CRISP2: variants seen among roughly 807,000 people sequenced by gnomAD.
CRISP2 encodes the protein cysteine rich secretory protein 2, also known as cysteine-rich secretory protein 2.
CRISP2 carries 29 observed loss-of-function variants against 31.7 expected under a neutral mutation model. The observed-to-expected ratio is 0.92, with a 90% CI of 0.68 to 1.25. The LOEUF is 1.25. Ranked by LOEUF, CRISP2 falls within the 50% of genes most tolerant of loss-of-function variation. CRISP2 has a pLI of 0.00. For synonymous variants in CRISP2, 111 were observed against 101.4 expected (o/e 1.09, Z -0.57); for missense variants, 318 against 286.5 (o/e 1.11, Z -0.79).
chr6:49,680,687 A>C, the CRISP2 span, among the ~76,000 whole-genome samples: 629 of 152,204 alleles, frequency 4.1e-3, 1 homozygote, highest in African/African-American at 0.014. Flanking sequence ...TTTTAATAAC[A>C]GCTATTCTGA....
the CRISP2 span, among the ~76,000 whole-genome samples, chr6:49,683,317 C>G: frequency 3.3e-5 from 5 of 152,024 alleles, no homozygotes; most frequent in East Asian, 9.7e-4. Flanking sequence ...CATGTTCACC[C>G]AACCAGGACC....
At chr6:49,698,536 T>C in intron 6 of CRISP2, 29 bp from the exon 7 acceptor site, 3 of 1,576,554 alleles carry the variant, frequency 1.9e-6, no homozygotes, top group Non-Finnish European at 2.6e-6. Context: ...ATGAGCAAGG[T>C]AATAAACATG....
At chr6:49,708,633 A>C (rs1437415083) in intron 4 of CRISP2, among the ~76,000 whole-genome samples, 1 of 152,182 alleles carries the variant, frequency 6.6e-6, no homozygotes, top group Non-Finnish European at 1.5e-5. Flanking sequence ...GAGGGAGCTC[A>C]GCCCAGGAGA....
chr6:49,698,931 T>C (rs1475038224), intron 6 of CRISP2, among the ~76,000 whole-genome samples: 1 of 151,850 alleles, frequency 6.6e-6, no homozygotes, highest in Non-Finnish European at 1.5e-5. Flanking sequence ...TTGTGTGAAA[T>C]CTGAAAAAAA....
intron 9 of CRISP2, 132 bp from the exon 10 acceptor site, chr6:49,693,032 T>C (rs1561858723): frequency 2.4e-6 from 2 of 830,342 alleles, no homozygotes; most frequent in East Asian, 2.6e-5. Context: ...AATGGGTCTT[T>C]CATGTCTTTA....
intron 3 of CRISP2, among the ~76,000 whole-genome samples, chr6:49,710,268 T>C (rs555683257): frequency 3.9e-4 from 59 of 152,120 alleles, no homozygotes; most frequent in Non-Finnish European, 8.4e-4. Context: ...TCATGGAAAA[T>C]GATATACAAT....
At chr6:49,709,095 G>T in intron 4 of CRISP2, 36 bp downstream of exon 4, 1 of 1,584,684 alleles carries the variant, frequency 6.3e-7, no homozygotes, top group Non-Finnish European at 8.7e-7. Context: ...CAAAGTTGCT[G>T]GATAGCTCTG....
chr6:49,700,724 T>C lies in CRISP2; in HGVS notation c.127A>G (p.Lys43Glu). The change falls in exon 5 of 10, where the codon AAA (lysine) becomes GAA (glutamate). Residue 43 changes from lysine to glutamate, a missense_variant. Transcript: ENST00000339139. ...QLQVQREIVN[K>E]HNELRKAVSP... ...ACTGCTTTCCTTAGTTCATTGTGTTTATTTACAATCTCCCTTTGCACTTGC... is the reference window on the plus strand; with the variant it reads ...ACTGCTTTCCTTAGTTCATTGTGTTCATTTACAATCTCCCTTTGCACTTGC... 1 of 1,613,018 alleles carries C rather than the reference T, an allele frequency of 6.2e-7. No individual in the cohort carries two copies. Among genetic ancestry groups the C allele is most frequent in the East Asian group, 2.2e-5 (1 of 44,854 alleles).
rs199919095 is a variant in CRISP2, at chr6:49,699,869, G to A, written c.206C>T (p.Thr69Met). 161 of 1,612,456 alleles carry A rather than the reference G, an allele frequency of 1.0e-4. No individual in the cohort carries two copies. Among genetic ancestry groups the A allele is most frequent in the Non-Finnish European group, 1.1e-4 (132 of 1,179,064 alleles). Residue 69 changes from threonine to methionine, a missense_variant, in exon 6 of 10, where the codon ACG becomes ATG. Coordinates refer to ENST00000339139, the MANE Select transcript of CRISP2 (RefSeq NM_003296.4). ...CTTGTTTGCCCACCTTTGGGCATTC[G>A]TTGTTACCTCTCTGCTCCATTCCTA... ...LKMEWSREVT[T>M]NAQRWANKCT...
intron 4 of CRISP2, among the ~76,000 whole-genome samples, chr6:49,704,197 G>T (rs1006053359): frequency 6.6e-6 from 1 of 152,004 alleles, no homozygotes; most frequent in Admixed American, 6.6e-5. Flanking sequence ...TCATTTCCAG[G>T]AGTTGTGATT....
At chr6:49,684,754 A>T in the CRISP2 span, among the ~76,000 whole-genome samples, 1 of 152,176 alleles carries the variant, frequency 6.6e-6, no homozygotes, top group Non-Finnish European at 1.5e-5. Flanking sequence ...GTTTAAGATC[A>T]TTCTCATTGT....
chr6:49,712,174 T>C (rs1377462111), intron 2 of CRISP2, among the ~76,000 whole-genome samples: 10 of 152,208 alleles, frequency 6.6e-5, no homozygotes, highest in Admixed American at 3.3e-4. Context: ...TGGGCTGTTG[T>C]ATCCTCATCA....
At chr6:49,697,989 A>G (rs779981477) in intron 7 of CRISP2, 32 bp from the exon 8 acceptor site, 2 of 1,468,434 alleles carry the variant, frequency 1.4e-6, no homozygotes, top group Admixed American at 4.4e-5. Flanking sequence ...AATATATAAA[A>G]GTACATTAGA....
chr6:49,712,870 T>G (rs1196552473), intron 1 of CRISP2, among the ~76,000 whole-genome samples: 1 of 152,216 alleles, frequency 6.6e-6, no homozygotes, highest in Non-Finnish European at 1.5e-5. Context: ...CTAACTTGCT[T>G]GGAAAATTGC....
chr6:49,685,860 T>C, the CRISP2 span, among the ~76,000 whole-genome samples: 1 of 152,198 alleles, frequency 6.6e-6, no homozygotes, highest in African/African-American at 2.4e-5. Flanking sequence ...AATTATACTT[T>C]ATTTTAATGA....
At chr6:49,695,254 G>A (rs1764552337) in intron 9 of CRISP2, among the ~76,000 whole-genome samples, 1 of 151,888 alleles carries the variant, frequency 6.6e-6, no homozygotes, top group Non-Finnish European at 1.5e-5. Flanking sequence ...CAGTTTCTAT[G>A]AGCCAATATT....
intron 5 of CRISP2, 30 bp downstream of exon 5, chr6:49,700,638 C>A (rs765509618): frequency 7.2e-7 from 1 of 1,381,756 alleles, no homozygotes; most frequent in South Asian, 1.2e-5. Context: ...AGCTGATTCA[C>A]ACCCATCTCC....
At chr6:49,681,772 C>T in the CRISP2 span, among the ~76,000 whole-genome samples, 1 of 152,122 alleles carries the variant, frequency 6.6e-6, no homozygotes, top group Non-Finnish European at 1.5e-5. Flanking sequence ...AAGCAATCCT[C>T]CTATCTCAGC....
intron 4 of CRISP2, among the ~76,000 whole-genome samples, chr6:49,705,820 G>A (rs1766923433): frequency 6.6e-6 from 1 of 152,178 alleles, no homozygotes; most frequent in African/African-American, 2.4e-5. Context: ...AGCTTCCTCA[G>A]TGAGGATGTG....
Sources: gnomAD v4.1 joint callset for allele counts (sites outside exome capture counted in the v4.1 genomes callset) on GRCh38, gnomAD v4.1.1 for gene constraint, MANE v1.5 for transcripts, NCBI Gene and HGNC (gene_info 2026-07-23, HGNC 2026-07-21) for gene names.